RMP64: variants seen among roughly 807,000 people sequenced by gnomAD.
RMP64 encodes ribonuclease MRP subunit p64.
chr3:113,017,800 A>C, the RMP64 span, among the ~76,000 whole-genome samples: 4 of 152,358 alleles, frequency 2.6e-5, no homozygotes, highest in Admixed American at 1.3e-4. Context: ...TATAAAGTCC[A>C]GGAAATCATT....
chr3:113,008,070 C>T, the RMP64 span: 11 of 1,050,904 alleles, frequency 1.0e-5, no homozygotes, highest in East Asian at 9.7e-5. Flanking sequence ...AGCCCCGCTG[C>T]GGCTGCTGGA....
chr3:113,015,353 C>A, the RMP64 span, among the ~76,000 whole-genome samples: 2 of 152,164 alleles, frequency 1.3e-5, no homozygotes, highest in African/African-American at 4.8e-5. Flanking sequence ...GAGAGAAAGG[C>A]AGTCAATCAA....
At chr3:113,005,345 A>G in the RMP64 span, 1 of 581,044 alleles carries the variant, frequency 1.7e-6, no homozygotes, top group Admixed American at 3.0e-5. Context: ...AAGCCAAAAA[A>G]GAAATACTTG....
the RMP64 span, chr3:113,013,900 G>C: frequency 1.0e-5 from 12 of 1,168,676 alleles, no homozygotes; most frequent in South Asian, 1.3e-4. Context: ...GAGATCACAA[G>C]ACATTGAGTT....
At chr3:113,017,664 A>C in the RMP64 span, 1 of 1,402,216 alleles carries the variant, frequency 7.1e-7, no homozygotes, top group East Asian at 2.3e-5. Context: ...ATTATATTAA[A>C]AACACACTAA....
the RMP64 span, chr3:113,003,394 A>C: frequency 6.6e-6 from 1 of 152,124 alleles, no homozygotes; most frequent in Admixed American, 6.6e-5. Context: ...ATAGTTTCTA[A>C]TCTCATTTAC....
the RMP64 span, chr3:113,006,009 A>C: frequency 6.3e-7 from 1 of 1,596,254 alleles, no homozygotes; most frequent in Non-Finnish European, 8.6e-7. Flanking sequence ...GGCAAACTTT[A>C]AAAGACAGAG....
chr3:113,012,876 T>A, the RMP64 span: 2 of 943,562 alleles, frequency 2.1e-6, no homozygotes, highest in Non-Finnish European at 3.5e-6. Flanking sequence ...GTTACAATCA[T>A]GAATGAAGAA....
chr3:113,013,520 CA>C, the RMP64 span: 5 of 910,256 alleles, frequency 5.5e-6, no homozygotes, highest in East Asian at 1.4e-4. Flanking sequence ...AGGATTGAAA[CA>C]AAGAGATGCA....
At chr3:113,014,175 T>G in the RMP64 span, 1 of 585,114 alleles carries the variant, frequency 1.7e-6, no homozygotes, top group African/African-American at 1.9e-5. Flanking sequence ...TTTTTCAGGG[T>G]AGAGAAATCC....
the RMP64 span, chr3:113,008,026 C>G: frequency 1.5e-6 from 1 of 663,628 alleles, no homozygotes; most frequent in Non-Finnish European, 2.6e-6. Flanking sequence ...ATAAAAGCAG[C>G]AAATGCAATT....
chr3:113,014,206 T>A, the RMP64 span, among the ~76,000 whole-genome samples: 150 of 152,316 alleles, frequency 9.8e-4, no homozygotes, highest in African/African-American at 3.5e-3. Context: ...CAATTGCTTC[T>A]AGTTACAAAT....
At chr3:113,011,285 C>G in the RMP64 span, 1 of 1,613,550 alleles carries the variant, frequency 6.2e-7, no homozygotes, top group Non-Finnish European at 8.5e-7. Flanking sequence ...TCAGTGATAT[C>G]AGAAGGAAAG....
At chr3:113,006,344 A>C in the RMP64 span, among the ~76,000 whole-genome samples, 1 of 152,244 alleles carries the variant, frequency 6.6e-6, no homozygotes, top group Non-Finnish European at 1.5e-5. Flanking sequence ...ATGAGTGGAC[A>C]TGAGGAAACA....
chr3:113,006,669 TA>T, the RMP64 span, among the ~76,000 whole-genome samples: 1 of 152,138 alleles, frequency 6.6e-6, no homozygotes, highest in South Asian at 2.1e-4. Flanking sequence ...TGATAGATTT[TA>T]AAAGACGGGC....
At chr3:113,008,143 A>C in the RMP64 span, 1 of 1,594,024 alleles carries the variant, frequency 6.3e-7, no homozygotes, top group Non-Finnish European at 8.6e-7. Flanking sequence ...GAAAAAGTAA[A>C]GTAACATAAT....
chr3:113,011,268 T>TA, the RMP64 span: 1 of 1,613,638 alleles, frequency 6.2e-7, no homozygotes, highest in Non-Finnish European at 8.5e-7. Context: ...ATGGCTGTCC[T>TA]AAAAATTCAG....
the RMP64 span, chr3:113,013,357 G>A: frequency 6.2e-7 from 1 of 1,613,130 alleles, no homozygotes. Flanking sequence ...TCCACCACTG[G>A]CTGACTGGGG....
chr3:113,013,993 C>T, the RMP64 span: 1,991 of 1,613,814 alleles, frequency 1.2e-3, 39 homozygotes, highest in East Asian at 0.035. Context: ...ATTGAGCCCT[C>T]CAAATTCATG....
Sources: allele counts gnomAD v4.1 joint callset (sites outside exome capture counted in the v4.1 genomes callset), GRCh38; gene constraint gnomAD v4.1.1; transcripts MANE v1.5; gene names NCBI Gene and HGNC (gene_info 2026-07-23, HGNC 2026-07-21).